ZBTB7C: variants seen among roughly 807,000 people sequenced by gnomAD.
ZBTB7C encodes the protein zinc finger and BTB domain-containing protein 7C.
ZBTB7C carries 8 observed loss-of-function variants against 25.7 expected under a neutral mutation model. The observed-to-expected ratio is 0.31, with a 90% CI of 0.18 to 0.56. The LOEUF is 0.56. Ranked by LOEUF, ZBTB7C falls within the 20% of genes least tolerant of loss-of-function variation. The pLI is 0.91. For missense variants in ZBTB7C, 824 were observed against 855.2 expected, an observed-to-expected ratio of 0.96 and a Z score of 0.46; for synonymous variants, 394 against 369.0, an observed-to-expected ratio of 1.07 and a Z score of -0.78.
rs142951397 is a variant in ZBTB7C, at chr18:48,040,202, C to T, written c.906G>A (p.Pro302=). ...EEKEELPPPP[P]PPFPNDFFKD... is the part of the protein sequence containing the mutation. Reference sequence around the variant, plus strand: ...TGAAGAAGTCATTAGGGAAGGGTGGCGGTGGGGGTGGGGGCAGCTCCTCCT... The same window carrying T: ...TGAAGAAGTCATTAGGGAAGGGTGGTGGTGGGGGTGGGGGCAGCTCCTCCT... Residue 302 remains proline (P), a synonymous_variant, in exon 4 of 5, where the codon CCG becomes CCA. Coordinates refer to ENST00000590800, the MANE Select transcript of ZBTB7C (RefSeq NM_001318841.2). 22 of 1,571,294 alleles carry T rather than the reference C, an allele frequency of 1.4e-5. No homozygotes were observed. The highest frequency in any genetic ancestry group is 4.1e-5 in the African/African-American group (3 of 73,634).
intron 3 of ZBTB7C, among the ~76,000 whole-genome samples, chr18:48,118,651 A>G (rs2039526694): frequency 6.6e-6 from 1 of 152,196 alleles, no homozygotes; most frequent in African/African-American, 2.4e-5. Flanking sequence ...AAATTACCCA[A>G]TATATAGCTA....
intron 2 of ZBTB7C, among the ~76,000 whole-genome samples, chr18:48,294,899 A>G (rs1411551697): frequency 6.6e-6 from 1 of 152,060 alleles, no homozygotes; most frequent in Non-Finnish European, 1.5e-5. Flanking sequence ...CATTTATACA[A>G]CTTCAGCAAC....
chr18:48,401,413 GTAT>G (rs1265548290), intron 1 of ZBTB7C, among the ~76,000 whole-genome samples: 2 of 152,066 alleles, frequency 1.3e-5, no homozygotes, highest in Non-Finnish European at 2.9e-5. Flanking sequence ...TATCAAATTG[GTAT>G]TATCACCACT....
chr18:48,106,524 T>C (rs1181169927), intron 3 of ZBTB7C, among the ~76,000 whole-genome samples: 1 of 152,140 alleles, frequency 6.6e-6, no homozygotes, highest in African/African-American at 2.4e-5. Context: ...TATTTAAAAC[T>C]ATTCCCCATG....
At chr18:48,244,001 T>C (rs529499205) in intron 2 of ZBTB7C, among the ~76,000 whole-genome samples, 1 of 152,186 alleles carries the variant, frequency 6.6e-6, no homozygotes, top group Non-Finnish European at 1.5e-5. Context: ...GATCCTCGTC[T>C]CTCAGCTTGT....
chr18:48,163,109 G>A (rs1208763325), intron 3 of ZBTB7C, among the ~76,000 whole-genome samples: 1 of 152,210 alleles, frequency 6.6e-6, no homozygotes, highest in African/African-American at 2.4e-5. Context: ...TGGAATGACT[G>A]ATGTCAGCAT....
intron 3 of ZBTB7C, among the ~76,000 whole-genome samples, chr18:48,053,718 G>A (rs1229155117): frequency 6.6e-6 from 1 of 152,152 alleles, no homozygotes; most frequent in Non-Finnish European, 1.5e-5. Context: ...GCTAAGTGCT[G>A]GAGAAACATG....
At chr18:48,289,824 T>C (rs1363895306) in intron 2 of ZBTB7C, among the ~76,000 whole-genome samples, 1 of 152,230 alleles carries the variant, frequency 6.6e-6, no homozygotes, top group East Asian at 1.9e-4. Flanking sequence ...GTGTAACGGT[T>C]AGCACTCTGC....
intron 2 of ZBTB7C, among the ~76,000 whole-genome samples, chr18:48,195,914 A>C (rs767842024): frequency 4.2e-4 from 64 of 152,178 alleles, no homozygotes; most frequent in Non-Finnish European, 8.4e-4. Context: ...ATAATATTTA[A>C]TTAAATTGCA....
rs183876658 is a variant in ZBTB7C, at chr18:48,402,536, C to T, written c.-304+6690G>A. ...GGGGGAAGGACAACTGTTTTCCTTACGCAAAGTACAGAAGCAAAGCCTGCT... is the reference window on the plus strand; with the variant it reads ...GGGGGAAGGACAACTGTTTTCCTTATGCAAAGTACAGAAGCAAAGCCTGCT... On this transcript the variant is annotated intron_variant, in intron 1 of 4. Coordinates refer to ENST00000590800, the MANE Select transcript of ZBTB7C (RefSeq NM_001318841.2). Among the ~76,000 whole-genome samples the T allele has an allele frequency of 1.2e-3, 187 of 152,246 alleles. 1 individual carries two copies. The highest frequency in any genetic ancestry group is 4.3e-3 in the African/African-American group (180 of 41,548).
upstream of ZBTB7C, among the ~76,000 whole-genome samples, chr18:48,409,840 C>A (rs1266624876): frequency 6.8e-6 from 1 of 147,926 alleles, no homozygotes; most frequent in Non-Finnish European, 1.5e-5. Flanking sequence ...AAAGGGACAG[C>A]CCCGGCAGAG....
rs1568245659 is a variant in ZBTB7C at position 48,135,026 on chromosome 18, C to T, written c.-17+50908G>A. On this transcript the variant is annotated intron_variant, in intron 3 of 4. Coordinates refer to ENST00000590800, the MANE Select transcript of ZBTB7C (RefSeq NM_001318841.2). Reference sequence around the variant, plus strand: ...TCCTCTCCTTCCTTCTCCCTCTCCTCCTCTTCATCCAGGCCTCCTGCTGCT... The same window carrying T: ...TCCTCTCCTTCCTTCTCCCTCTCCTTCTCTTCATCCAGGCCTCCTGCTGCT... 2.6e-5 allele frequency among the ~76,000 whole-genome samples: 4 copies of T among 152,184 alleles called. No individual in the cohort carries two copies. In the South Asian group the frequency reaches 8.3e-4, roughly 32 times the overall value.
chr18:48,146,570 G>A (rs896765812), intron 3 of ZBTB7C, among the ~76,000 whole-genome samples: 1 of 152,010 alleles, frequency 6.6e-6, no homozygotes, highest in African/African-American at 2.4e-5. Flanking sequence ...AGATAATCCC[G>A]GCATGTGACA....
At chr18:48,210,762 C>T (rs2145244820) in intron 2 of ZBTB7C, among the ~76,000 whole-genome samples, 1 of 151,978 alleles carries the variant, frequency 6.6e-6, no homozygotes, top group South Asian at 2.1e-4. Flanking sequence ...CCATGAATGT[C>T]CTAAAAACTA....
At chr18:48,268,308 C>A (rs1421665026) in intron 2 of ZBTB7C, among the ~76,000 whole-genome samples, 1 of 152,118 alleles carries the variant, frequency 6.6e-6, no homozygotes, top group Non-Finnish European at 1.5e-5. Flanking sequence ...TTTAAAATGG[C>A]AAGACAAATT....
At chr18:48,263,421 G>A (rs993593238) in intron 2 of ZBTB7C, among the ~76,000 whole-genome samples, 5 of 152,206 alleles carry the variant, frequency 3.3e-5, no homozygotes, top group Non-Finnish European at 1.5e-5. Context: ...CATCCACTCT[G>A]CAGCCACTCG....
intron 2 of ZBTB7C, among the ~76,000 whole-genome samples, chr18:48,321,453 G>A (rs1198187411): frequency 2.6e-5 from 4 of 152,132 alleles, no homozygotes; most frequent in African/African-American, 4.8e-5. Flanking sequence ...GGACCGCCTC[G>A]CAGCCTGGAG....
rs146599773 is a variant in ZBTB7C at position 48,155,888 on chromosome 18, C to T, written c.-17+30046G>A. On this transcript the variant is annotated intron_variant, in intron 3 of 4. Coordinates refer to ENST00000590800, the MANE Select transcript of ZBTB7C (RefSeq NM_001318841.2). ...TCAAACTGTACTGTGTGACTCTAACCGGGTTGGAAATAGAAGAATACTCAG... is the reference window on the plus strand; with the variant it reads ...TCAAACTGTACTGTGTGACTCTAACTGGGTTGGAAATAGAAGAATACTCAG... Among the ~76,000 whole-genome samples, 519 of 152,164 alleles carry T rather than the reference C, an allele frequency of 3.4e-3. 3 individuals are homozygous for T. The highest frequency in any genetic ancestry group is 6.2e-3 in the Non-Finnish European group (422 of 67,992).
intron 3 of ZBTB7C, chr18:48,149,190 ACGTGTGTGTGCACG>A (rs1339788499): frequency 2.9e-5 from 4 of 139,774 alleles, no homozygotes; most frequent in Non-Finnish European, 6.3e-5. Context: ...GTGTGTGCGC[ACGTGTGTGTGCACG>A]CGTGTGTGTA....
Sources: allele counts gnomAD v4.1 joint callset (sites outside exome capture counted in the v4.1 genomes callset), GRCh38; gene constraint gnomAD v4.1.1; transcripts MANE v1.5; gene names NCBI Gene and HGNC (gene_info 2026-07-23, HGNC 2026-07-21).